Variants in SNX13 observed in about 807,000 individuals in gnomAD.
SNX13 encodes the protein sorting nexin 13.
In SNX13, 45 loss-of-function variants were observed where a neutral mutation model predicts 133.6. The observed-to-expected ratio is 0.34, with a 90% CI of 0.27 to 0.43. The LOEUF is 0.43. SNX13 is among the 20% of genes least tolerant of loss of function. SNX13 has a pLI of 1.00. For missense variants in SNX13, 1,032 were observed against 1,145.1 expected, an observed-to-expected ratio of 0.90 and a Z score of 1.43; for synonymous variants, 414 against 373.9, an observed-to-expected ratio of 1.11 and a Z score of -1.24.
chr7:17,805,701 A>T (rs182198768), intron 20 of SNX13, among the ~76,000 whole-genome samples: 85 of 152,358 alleles, frequency 5.6e-4, no homozygotes, highest in African/African-American at 2.0e-3. Context: ...TCACATGCTT[A>T]TCTAGGCATG....
intron 22 of SNX13, among the ~76,000 whole-genome samples, chr7:17,801,011 TATATATATATATATATATATA>T (rs1562651914): frequency 0.027 from 357 of 13,284 alleles, 25 homozygotes; most frequent in Admixed American, 0.22. Flanking sequence ...AAACTGAACA[TATATATATATATATATATATA>T]TATATATATA....
At chr7:17,871,718 T>G (rs1029157631) in intron 8 of SNX13, among the ~76,000 whole-genome samples, 3 of 152,210 alleles carry the variant, frequency 2.0e-5, no homozygotes, top group Non-Finnish European at 4.4e-5. Flanking sequence ...AATCCCAACT[T>G]GTTCTTTTTT....
intron 16 of SNX13, among the ~76,000 whole-genome samples, chr7:17,827,708 T>TA (rs1197429109): frequency 6.6e-6 from 1 of 151,758 alleles, no homozygotes; most frequent in Non-Finnish European, 1.5e-5. Flanking sequence ...TTCCCAATGG[T>TA]AAAATGGGGC....
At chr7:17,838,218 C>A (rs1165636347) in intron 13 of SNX13, among the ~76,000 whole-genome samples, 1 of 151,874 alleles carries the variant, frequency 6.6e-6, no homozygotes, top group East Asian at 1.9e-4. Context: ...GTTAGTGTGG[C>A]AATCTGTGTC....
chr7:17,829,726 A>G (rs556928242), intron 16 of SNX13, among the ~76,000 whole-genome samples: 1 of 151,518 alleles, frequency 6.6e-6, no homozygotes, highest in East Asian at 1.9e-4. Context: ...TAAATATTAG[A>G]ATTGAAAATA....
At position 17,803,552 on chromosome 7, in the gene SNX13, T is replaced by C; in HGVS notation, c.2093A>G (p.Asn698Ser). 7 of 1,610,456 alleles carry C rather than the reference T, an allele frequency of 4.3e-6. No homozygotes were observed. Among genetic ancestry groups the C allele is most frequent in the South Asian group, 1.1e-5 (1 of 90,184 alleles). The part of the protein sequence containing the change: ...KMDTFVNPLR[N>S]SMRNVSNAVK... ...TGCATTTGAAACATTCCTCATTGAA[T>C]TGCGAAGTGGATTTACAAAAGTGTC... Residue 698 changes from asparagine (N) to serine (S), a missense_variant, in exon 21 of 26, where the codon AAT becomes AGT. Transcript: ENST00000428135.
At chr7:17,852,638 C>T (rs1389390941) in intron 9 of SNX13, among the ~76,000 whole-genome samples, 1 of 152,028 alleles carries the variant, frequency 6.6e-6, no homozygotes, top group African/African-American at 2.4e-5. Flanking sequence ...AGAGTACTGC[C>T]TAAAATGGAA....
At chr7:17,828,374 G>A (rs1051532482) in intron 16 of SNX13, among the ~76,000 whole-genome samples, 1 of 151,594 alleles carries the variant, frequency 6.6e-6, no homozygotes, top group African/African-American at 2.4e-5. Context: ...TAAACTCCTT[G>A]TAAGAAAGTG....
At chr7:17,913,731 C>T (rs1280991399) in intron 1 of SNX13, among the ~76,000 whole-genome samples, 1 of 132,998 alleles carries the variant, frequency 7.5e-6, no homozygotes, top group Non-Finnish European at 1.6e-5. Flanking sequence ...TCAAAAAGCC[C>T]GAGCCAAACA....
chr7:17,815,219 G>T (rs905352334), intron 19 of SNX13, among the ~76,000 whole-genome samples: 3 of 152,036 alleles, frequency 2.0e-5, no homozygotes, highest in Non-Finnish European at 4.4e-5. Context: ...TTTATTTTCA[G>T]ATCTTACAGC....
At chr7:17,813,549 C>T (rs1489373454) in intron 20 of SNX13, among the ~76,000 whole-genome samples, 1 of 150,404 alleles carries the variant, frequency 6.6e-6, no homozygotes, top group East Asian at 2.0e-4. Context: ...TTGCACCAAA[C>T]TATACAATCA....
chr7:17,898,154 C>G (rs1441153600), intron 1 of SNX13: 2 of 151,260 alleles, frequency 1.3e-5, no homozygotes, highest in African/African-American at 4.9e-5. Flanking sequence ...TAAAGGCAAA[C>G]TAGAATTTGG....
intron 8 of SNX13, among the ~76,000 whole-genome samples, chr7:17,870,421 C>T (rs1219762990): frequency 6.6e-6 from 1 of 152,116 alleles, no homozygotes; most frequent in Non-Finnish European, 1.5e-5. Flanking sequence ...GGAAAAAAAA[C>T]TGACTTGCTG....
chr7:17,862,213 A>G (rs1344696359), intron 9 of SNX13, among the ~76,000 whole-genome samples: 3 of 152,244 alleles, frequency 2.0e-5, no homozygotes, highest in Non-Finnish European at 4.4e-5. Flanking sequence ...AGAGATAACC[A>G]TAACATTCTG....
intron 6 of SNX13, 30 bp downstream of exon 6, chr7:17,875,639 C>T (rs1293491948): frequency 9.3e-6 from 15 of 1,606,026 alleles, no homozygotes; most frequent in Non-Finnish European, 1.1e-5. Flanking sequence ...ATTTTCAAAT[C>T]CTAGTTTTCA....
At chr7:17,830,789 T>C in intron 15 of SNX13, 1 of 982,956 alleles carries the variant, frequency 1.0e-6, no homozygotes. Flanking sequence ...AAATCTATGG[T>C]AAAGCAATAT....
intron 16 of SNX13, among the ~76,000 whole-genome samples, chr7:17,827,072 C>G (rs1244255211): frequency 2.0e-5 from 3 of 152,030 alleles, no homozygotes; most frequent in African/African-American, 7.2e-5. Flanking sequence ...TTGGTATGTG[C>G]TATATAATCT....
chr7:17,924,449 C>A (rs1316957709), intron 1 of SNX13, among the ~76,000 whole-genome samples: 1 of 152,134 alleles, frequency 6.6e-6, no homozygotes, highest in Non-Finnish European at 1.5e-5. Flanking sequence ...CTTGCGCTCA[C>A]CAGGATGACT....
chr7:17,832,530 A>G (rs1788616273), intron 15 of SNX13: 1 of 966,754 alleles, frequency 1.0e-6, no homozygotes, highest in Non-Finnish European at 1.2e-6. Context: ...TAGTATAAAC[A>G]ACAAAAACTT....
Sources: allele counts gnomAD v4.1 joint callset (sites outside exome capture counted in the v4.1 genomes callset), GRCh38; gene constraint gnomAD v4.1.1; transcripts MANE v1.5; gene names NCBI Gene and HGNC (gene_info 2026-07-23, HGNC 2026-07-21).